CADM1: variants seen among roughly 807,000 people sequenced by gnomAD.
The protein encoded by CADM1 is TSLC-1.
Under a neutral mutation model 53.1 loss-of-function variants are expected in CADM1, and 15 were observed. The observed-to-expected ratio is 0.28, with a 90% CI of 0.19 to 0.44. CADM1 has a LOEUF of 0.44. Ranked by LOEUF, CADM1 falls within the 20% of genes least tolerant of loss-of-function variation. The pLI is 1.00. For missense variants in CADM1, 434 were observed against 611.3 expected (o/e 0.71, Z 3.06); for synonymous variants, 281 against 243.0 (o/e 1.16, Z -1.45).
intron 1 of CADM1, among the ~76,000 whole-genome samples, chr11:115,503,540 G>A (rs1277928581): frequency 6.6e-6 from 1 of 152,012 alleles, no homozygotes; most frequent in Non-Finnish European, 1.5e-5. Context: ...GCGCCTTCCC[G>A]CAGAGGCGGC....
intron 1 of CADM1, among the ~76,000 whole-genome samples, chr11:115,494,783 A>G (rs1010273174): frequency 1.3e-5 from 2 of 151,006 alleles, no homozygotes; most frequent in Non-Finnish European, 2.9e-5. Flanking sequence ...ATAGGTAAAT[A>G]GGCAGAAAAC....
chr11:115,291,788 TAC>T lies in CADM1; in HGVS notation c.125-51370_125-51369del, dbSNP rs199515223. Among the ~76,000 whole-genome samples, 733 of 150,238 alleles carry T rather than the reference TAC, an allele frequency of 4.9e-3. 7 individuals carry two copies. Among genetic ancestry groups the T allele is most frequent in the Middle Eastern group, 0.021 (6 of 286 alleles). ...CAAAACAGGGTTTAGTATACAGTAC[TAC>T]ACAGTCAGAGAAATCTTATAAAACC... On this transcript the variant is annotated intron_variant, in intron 1 of 11. Transcript: ENST00000331581.
intron 7 of CADM1, among the ~76,000 whole-genome samples, chr11:115,211,987 T>G (rs1940987215): frequency 6.6e-6 from 1 of 152,190 alleles, no homozygotes; most frequent in Non-Finnish European, 1.5e-5. Context: ...TTCAATTATC[T>G]TTATCACGAC....
chr11:115,334,187 C>A (rs985274495), intron 1 of CADM1, among the ~76,000 whole-genome samples: 1 of 152,142 alleles, frequency 6.6e-6, no homozygotes, highest in African/African-American at 2.4e-5. Context: ...TTGTACAGGA[C>A]ACATCACACA....
At position 115,172,697 on chromosome 11, in the gene CADM1, C is replaced by T. The variant is rs1938832038; in HGVS notation, c.*3777G>A. The T allele has an allele frequency of 6.7e-6, 1 of 148,398 alleles. No individual in the cohort carries two copies. Among genetic ancestry groups the T allele is most frequent in the Admixed American group, 6.9e-5 (1 of 14,494 alleles). 9.2% of individuals were successfully genotyped at this position (148,398 alleles called of 1,614,324 possible). On this transcript the variant is annotated 3_prime_UTR_variant, in exon 12 of 12. Transcript: ENST00000331581. ...TGCATCCCTCACCATGCTGGACATA[C>T]AGCAGGTGCTCAATAACTGCATATC...
At chr11:115,284,719 C>G (rs1943686155) in intron 1 of CADM1, among the ~76,000 whole-genome samples, 8 of 152,086 alleles carry the variant, frequency 5.3e-5, no homozygotes, top group Admixed American at 5.2e-4. Flanking sequence ...TTTTCTAATG[C>G]TTTAAAGTTA....
chr11:115,186,797 C>T (rs1331354651), intron 10 of CADM1, among the ~76,000 whole-genome samples: 3 of 152,198 alleles, frequency 2.0e-5, no homozygotes, highest in Non-Finnish European at 2.9e-5. Flanking sequence ...CCCCAGCCCT[C>T]ACTTCCACTT....
intron 1 of CADM1, among the ~76,000 whole-genome samples, chr11:115,452,169 TGGGGGG>T (rs1555087563): frequency 2.2e-5 from 1 of 46,394 alleles, no homozygotes; most frequent in East Asian, 5.4e-4. Flanking sequence ...GGTGGGGGGG[TGGGGGG>T]GCTGGGAATC....
intron 9 of CADM1, among the ~76,000 whole-genome samples, chr11:115,196,314 G>A (rs1353066409): frequency 3.9e-5 from 6 of 151,988 alleles, no homozygotes; most frequent in Admixed American, 2.0e-4. Context: ...TTTCAGATTA[G>A]GGGACAAATT....
chr11:115,444,443 T>C (rs1007765907), intron 1 of CADM1, among the ~76,000 whole-genome samples: 3 of 152,202 alleles, frequency 2.0e-5, no homozygotes, highest in Non-Finnish European at 4.4e-5. Context: ...TTTGTCATGA[T>C]GAAAGCTGAT....
At chr11:115,387,611 G>C (rs1197195067) in intron 1 of CADM1, among the ~76,000 whole-genome samples, 1 of 152,082 alleles carries the variant, frequency 6.6e-6, no homozygotes, top group Non-Finnish European at 1.5e-5. Context: ...TCTATTTTTA[G>C]ATGTATTAAA....
In CADM1 at chr11:115,231,483, T is replaced by C. The variant is rs1198694544; in HGVS notation, c.432A>G (p.Pro144=). 13 of 1,614,024 alleles carry C rather than the reference T, an allele frequency of 8.1e-6. No individual in the cohort carries two copies. The highest frequency in any genetic ancestry group is 1.0e-5 in the Non-Finnish European group (12 of 1,179,872). The change falls in exon 4 of 12, where the codon CCA becomes CCG. Residue 144 remains proline (P), a synonymous_variant. Coordinates refer to ENST00000331581, the MANE Select transcript of CADM1 (RefSeq NM_001301043.2). Reference sequence around the variant, plus strand: ...TCTGGATATCGATCATCAGATTACGTGGTGGGACTACAAATTAAACATATG... The same window carrying C: ...TCTGGATATCGATCATCAGATTACGCGGTGGGACTACAAATTAAACATATG... The part of the protein sequence containing the change: ...SYTTITVLVP[P]RNLMIDIQKD...
rs138175463 is a variant in CADM1 at position 115,364,661 on chromosome 11, T to A, written c.125-124241A>T. On this transcript the variant is annotated intron_variant, in intron 1 of 11. Transcript: ENST00000331581. ...ATTGGTATCTATGATACTTCTTGAA[T>A]CCTGTCACTGTCAGTCAGTAGTAAC... 4.6e-3 allele frequency among the ~76,000 whole-genome samples: 697 copies of A among 152,320 alleles called. 13 individuals are homozygous for A. Among genetic ancestry groups the A allele is most frequent in the South Asian group, 0.01 (49 of 4,822 alleles).
chr11:115,233,495 A>G (rs1022312808), intron 3 of CADM1, among the ~76,000 whole-genome samples: 1 of 152,184 alleles, frequency 6.6e-6, no homozygotes, highest in African/African-American at 2.4e-5. Flanking sequence ...TAGATGGTTG[A>G]TAGGGGATAC....
chr11:115,315,772 A>G (rs997395706), intron 1 of CADM1, among the ~76,000 whole-genome samples: 1 of 152,148 alleles, frequency 6.6e-6, no homozygotes, highest in Admixed American at 6.6e-5. Context: ...TCTCCTGAAA[A>G]AGAGGAAAAG....
intron 1 of CADM1, among the ~76,000 whole-genome samples, chr11:115,307,123 C>T (rs1265617623): frequency 6.6e-6 from 1 of 151,934 alleles, no homozygotes; most frequent in African/African-American, 2.4e-5. Context: ...TATTTAAATG[C>T]TTTCATTTCT....
In CADM1 at chr11:115,172,429, A is replaced by G. The variant is rs1938821861; in HGVS notation, c.*4045T>C. On this transcript the variant is annotated 3_prime_UTR_variant, in exon 12 of 12. Coordinates refer to ENST00000331581, the MANE Select transcript of CADM1 (RefSeq NM_001301043.2). Reference sequence around the variant, plus strand: ...GCTGGCTGGGCTTGTTGCCCTCTGTACTTTTGACTCACATTCCTTCTCCAC... The same window carrying G: ...GCTGGCTGGGCTTGTTGCCCTCTGTGCTTTTGACTCACATTCCTTCTCCAC... 6.6e-6 allele frequency: 1 copy of G among 152,256 alleles called. No individual in the cohort carries two copies. The allele number at this position is 152,256 out of a possible 1,614,324, so 9.4% of individuals were successfully genotyped here. A position where few individuals can be genotyped will look rare whatever the true frequency, so the allele number is the denominator to read the frequency against.
intron 9 of CADM1, chr11:115,194,103 T>A (rs1940031091): frequency 1.3e-5 from 2 of 152,242 alleles, no homozygotes; most frequent in Admixed American, 1.3e-4. Context: ...GTAAACCTCT[T>A]GAGCTTTGCT....
intron 1 of CADM1, among the ~76,000 whole-genome samples, chr11:115,450,594 T>G (rs1948550058): frequency 1.3e-5 from 2 of 152,232 alleles, no homozygotes; most frequent in Admixed American, 1.3e-4. Context: ...CACTTTGATT[T>G]GGTACATGAG....
Sources: allele counts gnomAD v4.1 joint callset (sites outside exome capture counted in the v4.1 genomes callset), GRCh38; gene constraint gnomAD v4.1.1; transcripts MANE v1.5; gene names NCBI Gene and HGNC (gene_info 2026-07-23, HGNC 2026-07-21).